The following TRAK1 variants were observed in gnomAD, a reference collection of about 807,000 sequenced individuals.
The protein encoded by TRAK1 is trafficking kinesin protein 1.
TRAK1 carries 33 observed loss-of-function variants against 92.1 expected under a neutral mutation model. That is an observed-to-expected ratio of 0.36 (90% CI 0.27 to 0.48). TRAK1 has a LOEUF of 0.48. Ranked by LOEUF, TRAK1 falls within the 20% of genes least tolerant of loss-of-function variation. TRAK1 has a pLI of 0.99. For missense variants in TRAK1, 1,123 were observed against 1,257.9 expected, an observed-to-expected ratio of 0.89 and a Z score of 1.62; for synonymous variants, 521 against 517.3, an observed-to-expected ratio of 1.01 and a Z score of -0.10.
chr3:42,027,381 G>C (rs1701959787), intron 1 of TRAK1, among the ~76,000 whole-genome samples: 1 of 152,116 alleles, frequency 6.6e-6, no homozygotes, highest in South Asian at 2.1e-4. Context: ...AAATTAGCCA[G>C]GTGTGGTGGC....
chr3:42,014,343 T>A (rs1441622999), intron 1 of TRAK1, among the ~76,000 whole-genome samples: 2 of 152,110 alleles, frequency 1.3e-5, no homozygotes, highest in African/African-American at 4.8e-5. Context: ...CCGCGTGGCC[T>A]GGATTCCGCG....
chr3:42,211,467 G>A (rs554929212), intron 14 of TRAK1: 8 of 985,304 alleles, frequency 8.1e-6, no homozygotes, highest in East Asian at 1.1e-4. Context: ...AACCAGCTGC[G>A]GTACTGTCCC....
At chr3:42,039,564 A>G (rs1281303461) in intron 1 of TRAK1, among the ~76,000 whole-genome samples, 1 of 152,222 alleles carries the variant, frequency 6.6e-6, no homozygotes, top group Non-Finnish European at 1.5e-5. Flanking sequence ...GGGTTTCGCC[A>G]TATTGGCCAG....
intron 2 of TRAK1, among the ~76,000 whole-genome samples, chr3:42,127,675 A>G (rs1343870847): frequency 6.6e-6 from 1 of 152,160 alleles, no homozygotes; most frequent in African/African-American, 2.4e-5. Flanking sequence ...TCACACTTTG[A>G]TTAATCACTG....
chr3:42,061,208 C>T (rs1042092316), intron 1 of TRAK1, among the ~76,000 whole-genome samples: 5 of 152,176 alleles, frequency 3.3e-5, no homozygotes, highest in South Asian at 2.1e-4. Flanking sequence ...TAACATCTTA[C>T]GTAACCATTG....
intron 1 of TRAK1, among the ~76,000 whole-genome samples, chr3:42,113,076 A>G (rs1276178409): frequency 1.3e-5 from 2 of 151,500 alleles, no homozygotes; most frequent in South Asian, 2.1e-4. Context: ...TGGCCTAACA[A>G]TGTCATTTTA....
upstream of TRAK1, among the ~76,000 whole-genome samples, chr3:42,088,875 C>T (rs1484555407): frequency 6.6e-6 from 1 of 152,196 alleles, no homozygotes; most frequent in South Asian, 2.1e-4. Flanking sequence ...CCAGCCTTTC[C>T]GCCTCTTTGC....
chr3:42,125,746 T>C, intron 2 of TRAK1, 132 bp downstream of exon 2: 1 of 1,043,830 alleles, frequency 9.6e-7, no homozygotes, highest in Admixed American at 2.7e-5. Context: ...GTCAAAGAAA[T>C]GCGGCTGTAG....
At chr3:42,201,927 CA>C (rs1218554390) in intron 12 of TRAK1, among the ~76,000 whole-genome samples, 4 of 150,568 alleles carry the variant, frequency 2.7e-5, no homozygotes, top group African/African-American at 9.8e-5. Context: ...CACACACACA[CA>C]CACCATTGTC....
At chr3:42,123,705 A>T (rs1032125973) in intron 1 of TRAK1, among the ~76,000 whole-genome samples, 6 of 149,336 alleles carry the variant, frequency 4.0e-5, no homozygotes, top group African/African-American at 1.5e-4. Context: ...TGTCACAAGT[A>T]TTTTTTTTTT....
rs1028168930 is a variant in TRAK1, at chr3:42,212,138, G to A, written c.1963+2153G>A. The A allele has an allele frequency of 6.1e-6, 6 of 985,302 alleles. No individual in the cohort carries two copies. The African/African-American group carries it at 1.0e-4, about 17-fold the overall frequency. The allele number at this position is 985,302 out of a possible 1,614,324, so 61.0% of individuals were successfully genotyped here. ...TATCGCTAAGTAAATCATCCTGGAGGTCCCAAGTAGCTCTATGCCTGCAAT... is the reference window on the plus strand; with the variant it reads ...TATCGCTAAGTAAATCATCCTGGAGATCCCAAGTAGCTCTATGCCTGCAAT... On this transcript the variant is annotated intron_variant, in intron 14 of 15. Transcript: ENST00000327628.
chr3:42,118,622 C>T (rs1004321805), intron 1 of TRAK1, among the ~76,000 whole-genome samples: 4 of 152,200 alleles, frequency 2.6e-5, no homozygotes, highest in African/African-American at 9.6e-5. Context: ...ACAGCTGCTT[C>T]TGCAGCTCTG....
intron 2 of TRAK1, chr3:42,146,286 C>A: frequency 3.3e-6 from 1 of 303,424 alleles, no homozygotes; most frequent in South Asian, 4.7e-5. Flanking sequence ...ACTTGTCTTG[C>A]CATTCTTCCA....
intron 1 of TRAK1, among the ~76,000 whole-genome samples, chr3:42,057,993 T>C (rs1703268119): frequency 6.6e-6 from 1 of 152,192 alleles, no homozygotes; most frequent in African/African-American, 2.4e-5. Flanking sequence ...AACTCAAATA[T>C]CATTTCCTCC....
intron 1 of TRAK1, among the ~76,000 whole-genome samples, chr3:42,059,830 CT>C (rs1188838746): frequency 6.6e-6 from 1 of 152,136 alleles, no homozygotes; most frequent in East Asian, 1.9e-4. Context: ...GTTTCTTCCT[CT>C]GTGCAGTGGG....
In TRAK1 at chr3:42,193,213, T is replaced by C. The variant is rs1179269459; in HGVS notation, c.900+8T>C. 24 of 1,613,652 alleles carry C rather than the reference T, an allele frequency of 1.5e-5. No homozygotes were observed. Among genetic ancestry groups the C allele is most frequent in the Non-Finnish European group, 1.9e-5 (23 of 1,179,818 alleles). ...CAGAAAAAGGCAAAAGCTGTAAGGC[T>C]TCTCTGTTTATCTGGCTGATACAAC... On this transcript the variant is annotated splice_region_variant and intron_variant, in intron 8 of 15. Transcript: ENST00000327628.
chr3:42,212,055 C>T, intron 14 of TRAK1: 1 of 985,346 alleles, frequency 1.0e-6, no homozygotes, highest in Non-Finnish European at 1.2e-6. Context: ...AATGAATTGG[C>T]TCTATTTTCT....
At chr3:42,191,269 T>G (rs1431492131) in intron 6 of TRAK1, among the ~76,000 whole-genome samples, 1 of 152,158 alleles carries the variant, frequency 6.6e-6, no homozygotes, top group Non-Finnish European at 1.5e-5. Flanking sequence ...GATGGTGGTG[T>G]TCGTGGTGTT....
chr3:42,102,940 G>A (rs1169892743), intron 1 of TRAK1, among the ~76,000 whole-genome samples: 3 of 152,088 alleles, frequency 2.0e-5, no homozygotes, highest in Non-Finnish European at 2.9e-5. Context: ...TTGTGGTTAC[G>A]TTTTTTCTTG....
Sources: allele counts gnomAD v4.1 joint callset (sites outside exome capture counted in the v4.1 genomes callset), GRCh38; gene constraint gnomAD v4.1.1; transcripts MANE v1.5; gene names NCBI Gene and HGNC (gene_info 2026-07-23, HGNC 2026-07-21).